Variants in SLC12A5 observed in about 807,000 individuals in gnomAD.
The protein encoded by SLC12A5 is solute carrier family 12 member 5.
A neutral mutation model predicts 124.0 loss-of-function variants in SLC12A5; 18 were observed. The ratio of observed to expected loss-of-function variants is 0.15; its 90% CI spans 0.10 to 0.22. The LOEUF is 0.22. Ranked by LOEUF, SLC12A5 falls within the 10% of genes least tolerant of loss-of-function variation. The pLI is 1.00. For synonymous variants in SLC12A5, 589 were observed against 568.0 expected, an observed-to-expected ratio of 1.04 and a Z score of -0.53; for missense variants, 867 against 1,478.7, an observed-to-expected ratio of 0.59 and a Z score of 6.78.
At position 46,058,303 on chromosome 20, in the gene SLC12A5, C is replaced by A. The variant is rs2097274476; in HGVS notation, c.*698C>A. 5 of 397,258 alleles carry A rather than the reference C, an allele frequency of 1.3e-5. No homozygotes were observed. Among genetic ancestry groups the A allele is most frequent in the Non-Finnish European group, 1.8e-5 (4 of 225,592 alleles). 24.6% of individuals were successfully genotyped at this position (397,258 alleles called of 1,614,324 possible). ...AGAGCGAAAGTGCTTTAGGCCCAGG[C>A]GGGGGTCGTGGCCTCGTTCCCTCGA... On this transcript the variant is annotated 3_prime_UTR_variant, in exon 26 of 26. Transcript: ENST00000243964. The surrounding 1 kb of genome is among the most constrained non-coding windows in gnomAD (Gnocchi z 5.8).
At chr20:46,030,265 G>A (rs1182702603) in intron 1 of SLC12A5, among the ~76,000 whole-genome samples, 1 of 152,176 alleles carries the variant, frequency 6.6e-6, no homozygotes, top group African/African-American at 2.4e-5. Context: ...TCCCCAGTGA[G>A]GCCTCAGAAA....
rs1440206932 is a variant in SLC12A5 at position 46,045,314 on chromosome 20, G to A, written c.1569+174G>A. Among the ~76,000 whole-genome samples the A allele has an allele frequency of 6.6e-6, 1 of 152,204 alleles. No homozygotes were observed. Among genetic ancestry groups the A allele is most frequent in the African/African-American group, 2.4e-5 (1 of 41,456 alleles). On this transcript the variant is annotated intron_variant, in intron 12 of 25. Transcript: ENST00000243964. This position sits in a 1 kb window ranked among gnomAD's most constrained non-coding sequence, Gnocchi z 4.9. ...AGGGTCTGAGGCACAGGGACAGGGT[G>A]GTGTGGGGTGTCAGGAGTTGGGCAG...
rs571477941 is a variant in SLC12A5 at position 46,041,002 on chromosome 20, G to A, written c.855-327G>A. The A allele has an allele frequency of 1.3e-5, 5 of 397,728 alleles. No individual in the cohort carries two copies. The Admixed American group carries it at 2.1e-4, about 17-fold the overall frequency. The allele number at this position is 397,728 out of a possible 1,614,324, so 24.6% of individuals were successfully genotyped here. A position where few individuals can be genotyped will look rare whatever the true frequency, so the allele number is the denominator to read the frequency against. The stretch of plus-strand genomic sequence containing the variant: ...CTCCAGGATGGGAAAAGACACAGAA[G>A]TCTACAGGGTCCAGGGACTCAGATC... On this transcript the variant is annotated intron_variant, in intron 7 of 25. Coordinates refer to ENST00000243964, the MANE Select transcript of SLC12A5 (RefSeq NM_020708.5).
chr20:46,055,358 T>TAAGG (rs1235855253), intron 21 of SLC12A5, among the ~76,000 whole-genome samples: 6 of 152,172 alleles, frequency 3.9e-5, no homozygotes, highest in African/African-American at 1.4e-4. Context: ...GTGTGAGGGA[T>TAAGG]AAGGGCTCAT....
At position 46,056,898 on chromosome 20, in the gene SLC12A5, G is replaced by A; in HGVS notation, c.3112G>A (p.Glu1038Lys). 3 of 1,614,080 alleles carry A rather than the reference G, an allele frequency of 1.9e-6. No individual in the cohort carries two copies. Among genetic ancestry groups the A allele is most frequent in the Non-Finnish European group, 2.5e-6 (3 of 1,179,948 alleles). Residue 1038 changes from glutamate (E) to lysine (K), a missense_variant and splice_region_variant, in exon 24 of 26, where the codon GAG (glutamate) becomes AAG (lysine). Physicochemically the swap from Glu to Lys is moderately conservative, Grantham distance 56 (BLOSUM62 1). Coordinates refer to ENST00000243964, the MANE Select transcript of SLC12A5 (RefSeq NM_020708.5). This position sits in a 1 kb window ranked among gnomAD's most constrained non-coding sequence, Gnocchi z 4.3. ...GIKDFFSMKP[E>K]WENLNQSNVR... ...TTGCATCTCTTGTGTTTCCTGAAGG[G>A]AGTGGGAGAACTTGTAAGTGCTTCA...
chr20:46,029,172 G>A, upstream of SLC12A5: 11 of 1,424,462 alleles, frequency 7.7e-6, no homozygotes, highest in Non-Finnish European at 1.0e-5. Context: ...GCGGGTGTGA[G>A]CGTGTGTCCG....
At chr20:46,022,134 G>A (rs1371939221) in intron 1 of SLC12A5, 25 of 369,884 alleles carry the variant, frequency 6.8e-5, no homozygotes, top group Middle Eastern at 7.5e-4. Context: ...TGGGGCCAGG[G>A]AAGGGGTTTG....
chr20:46,057,478 A>G lies in SLC12A5; in HGVS notation c.3260-36A>G, dbSNP rs201572209. 2.4e-3 allele frequency: 3,900 copies of G among 1,611,452 alleles called. 29 individuals carry two copies. Among genetic ancestry groups the G allele is most frequent in the Non-Finnish European group, 2.1e-3 (2,513 of 1,177,756 alleles). ...CGCGACCCCAATTTCGTCGGGAGGG[A>G]AGGAGACCGGGTCTTTCTCCTTGAC... On this transcript the variant is annotated intron_variant, in intron 25 of 25. Transcript: ENST00000243964. The surrounding 1 kb of genome is among the most constrained non-coding windows in gnomAD (Gnocchi z 7.1).
upstream of SLC12A5, among the ~76,000 whole-genome samples, chr20:46,028,533 G>C (rs1013522740): frequency 1.1e-4 from 17 of 152,264 alleles, no homozygotes; most frequent in African/African-American, 4.1e-4. Flanking sequence ...CTTCTCAGGC[G>C]CTACCCCACC....
intron 6 of SLC12A5, among the ~76,000 whole-genome samples, chr20:46,037,896 T>C (rs1452890063): frequency 2.0e-5 from 3 of 152,168 alleles, no homozygotes; most frequent in South Asian, 2.1e-4. Flanking sequence ...CTGGTGGCTA[T>C]TGGATTGCAA....
At chr20:46,030,414 C>T (rs897902336) in intron 1 of SLC12A5, among the ~76,000 whole-genome samples, 10 of 152,164 alleles carry the variant, frequency 6.6e-5, no homozygotes, top group Non-Finnish European at 1.0e-4. Context: ...CCCTCCTCCG[C>T]GGCTTCCTTG....
At chr20:46,027,415 A>C (rs1289373330), upstream of SLC12A5, among the ~76,000 whole-genome samples, 1 of 152,200 alleles carries the variant, frequency 6.6e-6, no homozygotes, top group Non-Finnish European at 1.5e-5. Flanking sequence ...AAATTGTATT[A>C]ATACAAGTAA....
chr20:46,025,348 A>G (rs1477433445), upstream of SLC12A5, among the ~76,000 whole-genome samples: 1 of 152,172 alleles, frequency 6.6e-6, no homozygotes, highest in African/African-American at 2.4e-5. Context: ...CCCAAGCCAG[A>G]ACTCAGAACC....
chr20:46,039,489 A>G (rs1334350066), intron 6 of SLC12A5, among the ~76,000 whole-genome samples: 1 of 152,224 alleles, frequency 6.6e-6, no homozygotes, highest in Non-Finnish European at 1.5e-5. Context: ...AATCTATGTC[A>G]TCTGGCCGGG....
chr20:46,043,799 G>A, intron 10 of SLC12A5, 68 bp downstream of exon 10: 2 of 1,612,834 alleles, frequency 1.2e-6, no homozygotes, highest in Admixed American at 3.3e-5. Flanking sequence ...TGAACTTGCT[G>A]CCTTACCTGC....
intron 4 of SLC12A5, 132 bp from the exon 5 acceptor site, chr20:46,036,609 G>C: frequency 2.3e-6 from 2 of 875,364 alleles, no homozygotes; most frequent in Non-Finnish European, 3.7e-6. Flanking sequence ...AGTTGGAACA[G>C]GTCCAGGGAG....
rs919855278 is a variant in SLC12A5, at chr20:46,056,761, C to T, written c.3111-136C>T. ...TCTCAGAATTCCCAGTTGCAGGCAG[C>T]GGAAAGGTGAAGGGTGTGGGGGCTG... On this transcript the variant is annotated intron_variant, in intron 23 of 25. Coordinates refer to ENST00000243964, the MANE Select transcript of SLC12A5 (RefSeq NM_020708.5). The surrounding 1 kb of genome is among the most constrained non-coding windows in gnomAD (Gnocchi z 4.3). 45 of 1,172,624 alleles carry T rather than the reference C, an allele frequency of 3.8e-5. No individual in the cohort carries two copies. The highest frequency in any genetic ancestry group is 1.9e-4 in the East Asian group (8 of 42,700). The allele number at this position is 1,172,624 out of a possible 1,614,324, so 72.6% of individuals were successfully genotyped here. A position where few individuals can be genotyped will look rare whatever the true frequency, so the allele number is the denominator to read the frequency against.
At position 46,029,402 on chromosome 20, in the gene SLC12A5, C is replaced by T. The variant is rs1276181796; in HGVS notation, c.52+6C>T. The T allele has an allele frequency of 1.9e-6, 3 of 1,548,290 alleles. No individual in the cohort carries two copies. The highest frequency in any genetic ancestry group is 2.6e-6 in the Non-Finnish European group (3 of 1,146,094). On this transcript the variant is annotated splice_donor_region_variant and intron_variant, in intron 1 of 25. Transcript: ENST00000243964. ...CGATGGGGGAGCCAACCCGGGTAAG[C>T]TGTGGTCCGGGGGCGGCGGGGGAGG... is the stretch of plus-strand genomic sequence containing the variant.
Position 46,043,497 on chromosome 20 carries a change from G to A in SLC12A5, c.1238-136G>A, listed in dbSNP as rs1600597359. ...AAGGCCAGGAGAAGCTAAGTAACAT[G>A]TCCAAGGTCTCACACAAGCCAGTAT... On this transcript the variant is annotated intron_variant, in intron 9 of 25. Coordinates refer to ENST00000243964, the MANE Select transcript of SLC12A5 (RefSeq NM_020708.5). 3 of 1,175,250 alleles carry A rather than the reference G, an allele frequency of 2.6e-6. No individual in the cohort carries two copies. In the East Asian group the frequency reaches 7.1e-5, roughly 28 times the overall value. The allele number at this position is 1,175,250 out of a possible 1,614,324, so 72.8% of individuals were successfully genotyped here.
Sources: gnomAD v4.1 joint callset for allele counts (sites outside exome capture counted in the v4.1 genomes callset) on GRCh38, gnomAD v4.1.1 for gene constraint, Gnocchi (gnomAD v3.1) non-coding constraint, MANE v1.5 for transcripts, NCBI Gene and HGNC (gene_info 2026-07-23, HGNC 2026-07-21) for gene names.